The following GRIN2B variants were observed in gnomAD, a reference collection of about 807,000 sequenced individuals.
The protein encoded by GRIN2B is glutamate receptor ionotropic, NMDA 2B.
GRIN2B carries 5 observed loss-of-function variants against 114.5 expected under a neutral mutation model. The ratio of observed to expected loss-of-function variants is 0.04; its 90% CI spans 0.02 to 0.09. The LOEUF (loss-of-function observed/expected upper bound fraction) is 0.09. Among genes scored for constraint, GRIN2B ranks in the 10% least tolerant of loss-of-function variants. GRIN2B has a pLI of 1.00. For synonymous variants in GRIN2B, 787 were observed against 745.1 expected, an observed-to-expected ratio of 1.06 and a Z score of -0.92; for missense variants, 1,108 against 1,943.5, an observed-to-expected ratio of 0.57 and a Z score of 8.08.
intron 2 of GRIN2B, among the ~76,000 whole-genome samples, chr12:13,913,959 C>T (rs866441367): frequency 2.0e-5 from 3 of 152,142 alleles, no homozygotes; most frequent in Non-Finnish European, 4.4e-5. Context: ...GTGTCTGGCA[C>T]GTACAACAGC....
intron 4 of GRIN2B, among the ~76,000 whole-genome samples, chr12:13,724,631 T>G (rs1051159146): frequency 6.6e-6 from 1 of 152,126 alleles, no homozygotes; most frequent in African/African-American, 2.4e-5. Context: ...ATTACCTGAC[T>G]CTGTCCTAAG....
chr12:13,693,522 T>C (rs917036476), intron 4 of GRIN2B, among the ~76,000 whole-genome samples: 3 of 152,134 alleles, frequency 2.0e-5, no homozygotes, highest in Admixed American at 2.0e-4. Flanking sequence ...GGAGAGCCCA[T>C]GATAACATGC....
chr12:13,691,907 T>C (rs1950217702), intron 4 of GRIN2B, among the ~76,000 whole-genome samples: 1 of 151,970 alleles, frequency 6.6e-6, no homozygotes, highest in Non-Finnish European at 1.5e-5. Context: ...CTAGAGGAGA[T>C]GAATTATCTT....
At chr12:13,959,989 G>A (rs766776573) in intron 2 of GRIN2B, among the ~76,000 whole-genome samples, 23 of 152,222 alleles carry the variant, frequency 1.5e-4, no homozygotes, top group Non-Finnish European at 3.1e-4. Context: ...TGAGGCTTGA[G>A]AAAATGGTGG....
At chr12:13,607,937 A>G (rs1949306973) in intron 10 of GRIN2B, among the ~76,000 whole-genome samples, 1 of 152,152 alleles carries the variant, frequency 6.6e-6, no homozygotes, top group Admixed American at 6.5e-5. Flanking sequence ...CTGGAGGGTC[A>G]GATGTATTTA....
intron 10 of GRIN2B, among the ~76,000 whole-genome samples, chr12:13,597,058 A>C (rs1759449800): frequency 6.6e-6 from 1 of 152,230 alleles, no homozygotes; most frequent in Non-Finnish European, 1.5e-5. Flanking sequence ...CAAATCCTGG[A>C]ACCCTCACTT....
chr12:13,547,981 A>ATATATATATATATATATTTTTTTTTTT lies in GRIN2B; in HGVS notation c.*14801_*14802insAAAAAAAAAAATATATATATATATATA. On this transcript the variant is annotated 3_prime_UTR_variant, in exon 14 of 14. Transcript: ENST00000609686. ...TGTGTATATATATATATATATATAT[A>ATATATATATATATATATTTTTTTTTTT]TTTTTTTTTTTTTTCTGAAAGCTAC... 7 of 68,586 alleles carry ATATATATATATATATATTTTTTTTTTT rather than the reference A, an allele frequency of 1.0e-4. No homozygotes were observed. Among genetic ancestry groups the ATATATATATATATATATTTTTTTTTTT allele is most frequent in the South Asian group, 7.3e-4 (1 of 1,378 alleles). 4.2% of individuals were successfully genotyped at this position (68,586 alleles called of 1,614,324 possible).
At chr12:13,815,913 A>C (rs1864814382) in intron 3 of GRIN2B, among the ~76,000 whole-genome samples, 1 of 152,194 alleles carries the variant, frequency 6.6e-6, no homozygotes, top group Admixed American at 6.5e-5. Flanking sequence ...GATAACTGTA[A>C]GTGTAAAGCA....
intron 10 of GRIN2B, among the ~76,000 whole-genome samples, chr12:13,586,798 C>T (rs1948931140): frequency 6.6e-6 from 1 of 152,196 alleles, no homozygotes. Context: ...TTCCTTCCCC[C>T]TCAACCATTG....
At chr12:13,837,185 G>C (rs551116762) in intron 3 of GRIN2B, among the ~76,000 whole-genome samples, 1 of 152,144 alleles carries the variant, frequency 6.6e-6, no homozygotes, top group Non-Finnish European at 1.5e-5. Context: ...AGGCCTCAAG[G>C]CCTTTAGGGG....
At chr12:13,931,814 C>T (rs535327463) in intron 2 of GRIN2B, among the ~76,000 whole-genome samples, 55 of 152,236 alleles carry the variant, frequency 3.6e-4, no homozygotes, top group Non-Finnish European at 5.1e-4. Flanking sequence ...ATGCAACCTC[C>T]GCAAGTTAAG....
intron 3 of GRIN2B, among the ~76,000 whole-genome samples, chr12:13,789,165 T>C (rs1287944861): frequency 6.6e-6 from 1 of 152,176 alleles, no homozygotes; most frequent in Non-Finnish European, 1.5e-5. Context: ...TAGACTTGCA[T>C]GTCAGAGGTT....
chr12:13,944,042 T>G (rs915393535), intron 2 of GRIN2B, among the ~76,000 whole-genome samples: 1 of 152,178 alleles, frequency 6.6e-6, no homozygotes, highest in South Asian at 2.1e-4. Context: ...CAGATTTGGG[T>G]ACTTTAAGTT....
At chr12:13,608,206 T>A (rs994355976) in intron 10 of GRIN2B, among the ~76,000 whole-genome samples, 2 of 152,094 alleles carry the variant, frequency 1.3e-5, no homozygotes. Flanking sequence ...CAAACACCAC[T>A]GGGAAGAAAA....
At chr12:13,577,855 A>C (rs6488612) in intron 10 of GRIN2B, among the ~76,000 whole-genome samples, 27,540 of 152,186 alleles carry the variant, frequency 0.18, 4,231 homozygotes, top group African/African-American at 0.42. Flanking sequence ...AGAGAGTCAG[A>C]AACATAAACA....
At position 13,866,032 on chromosome 12, in the gene GRIN2B, G is replaced by T; in HGVS notation, c.177C>A (p.Phe59Leu). The change falls in exon 3 of 14, where the codon TTC becomes TTA. Residue 59 changes from phenylalanine to leucine, a missense_variant. Phe to Leu is a conservative substitution (Grantham distance 22). This residue lies in a region of GRIN2B where 199 missense variants were observed against 439.6 expected (regional missense o/e 0.45). Transcript: ENST00000609686. ...CCCGGGGTACCACGGAGAGATGGTG[G>T]AAATCATCTTTCTCGTGGGCATCCT... ...AIKDAHEKDDFHHLSVVPRVE... is the reference protein window; with the variant it reads ...AIKDAHEKDDLHHLSVVPRVE... The T allele has an allele frequency of 1.9e-6, 3 of 1,613,970 alleles. No individual in the cohort carries two copies. The highest frequency in any genetic ancestry group is 2.5e-6 in the Non-Finnish European group (3 of 1,179,884).
At chr12:13,899,099 G>A (rs866604288) in intron 2 of GRIN2B, among the ~76,000 whole-genome samples, 24 of 152,024 alleles carry the variant, frequency 1.6e-4, no homozygotes, top group African/African-American at 5.6e-4. Flanking sequence ...CTTATAAACC[G>A]GAGATAAATT....
At chr12:13,620,287 C>T (rs1949498272) in intron 5 of GRIN2B, among the ~76,000 whole-genome samples, 1 of 152,226 alleles carries the variant, frequency 6.6e-6, no homozygotes, top group Admixed American at 6.5e-5. Context: ...AATTGTCTAG[C>T]ACAGTTCTCT....
chr12:13,578,898 T>C (rs990189641), intron 10 of GRIN2B, among the ~76,000 whole-genome samples: 1 of 151,364 alleles, frequency 6.6e-6, no homozygotes, highest in Non-Finnish European at 1.5e-5. Flanking sequence ...AGGGGGAAAA[T>C]GTATCAGGCT....
Sources: gnomAD v4.1 joint callset for allele counts (sites outside exome capture counted in the v4.1 genomes callset) on GRCh38, gnomAD v4.1.1 for gene constraint, gnomAD v4.1.1 regional missense constraint, MANE v1.5 for transcripts, NCBI Gene and HGNC (gene_info 2026-07-23, HGNC 2026-07-21) for gene names.